Variants in PID1 observed in about 807,000 individuals in gnomAD.
PID1 encodes the protein PTB-containing, cubilin and LRP1-interacting protein.
A neutral mutation model predicts 19.1 loss-of-function variants in PID1; 10 were observed. That is an observed-to-expected ratio of 0.52 (90% CI 0.32 to 0.89). The LOEUF is 0.89. PID1 is among the 40% of genes least tolerant of loss of function. PID1 has a pLI of 0.03. For missense variants in PID1, 248 were observed against 285.3 expected (o/e 0.87, Z 0.94); for synonymous variants, 130 against 116.0 (o/e 1.12, Z -0.78).
chr2:229,161,064 A>G (rs966328028), intron 1 of PID1, among the ~76,000 whole-genome samples: 15 of 152,094 alleles, frequency 9.9e-5, no homozygotes, highest in African/African-American at 3.4e-4. Flanking sequence ...CCCCCTTTAC[A>G]CAAAGAATAT....
At chr2:229,261,665 T>A (rs1177976559) in intron 1 of PID1, among the ~76,000 whole-genome samples, 1 of 152,200 alleles carries the variant, frequency 6.6e-6, no homozygotes, top group Non-Finnish European at 1.5e-5. Context: ...ATTCCCCTCC[T>A]GCTCCCATGG....
chr2:229,269,826 C>G (rs897692436), intron 1 of PID1, among the ~76,000 whole-genome samples: 2 of 152,168 alleles, frequency 1.3e-5, no homozygotes, highest in Non-Finnish European at 2.9e-5. Context: ...CCCTGGGGAA[C>G]TGGTCTGGTG....
At chr2:229,076,895 C>T (rs1694569724) in intron 2 of PID1, among the ~76,000 whole-genome samples, 3 of 152,118 alleles carry the variant, frequency 2.0e-5, no homozygotes, top group Non-Finnish European at 4.4e-5. Context: ...ATTTATAAAC[C>T]TTTGGGTATA....
At chr2:229,250,156 C>T (rs1690112947) in intron 1 of PID1, among the ~76,000 whole-genome samples, 1 of 152,102 alleles carries the variant, frequency 6.6e-6, no homozygotes, top group African/African-American at 2.4e-5. Context: ...AAAAAGACTG[C>T]AGAAAAATGA....
intron 2 of PID1, among the ~76,000 whole-genome samples, chr2:229,110,328 G>T (rs1374985431): frequency 6.6e-6 from 1 of 152,164 alleles, no homozygotes; most frequent in Non-Finnish European, 1.5e-5. Context: ...CCCAAAATGG[G>T]ATAGATGAGG....
chr2:229,226,622 G>A (rs970228525), intron 1 of PID1, among the ~76,000 whole-genome samples: 2 of 152,066 alleles, frequency 1.3e-5, no homozygotes, highest in African/African-American at 2.4e-5. Context: ...TGGCCAAAGA[G>A]CACTGCCAGA....
At chr2:229,028,567 C>T (rs572516748) in intron 2 of PID1, among the ~76,000 whole-genome samples, 2 of 152,072 alleles carry the variant, frequency 1.3e-5, no homozygotes, top group Admixed American at 6.5e-5. Context: ...ATACAGAACA[C>T]CTAAAAGTCA....
chr2:229,130,161 G>A (rs1164442497), intron 2 of PID1, among the ~76,000 whole-genome samples: 1 of 152,158 alleles, frequency 6.6e-6, no homozygotes, highest in Admixed American at 6.5e-5. Flanking sequence ...TAATTAAACT[G>A]GTGAATCACA....
At chr2:229,133,070 C>T (rs1014157627) in intron 2 of PID1, among the ~76,000 whole-genome samples, 1 of 152,148 alleles carries the variant, frequency 6.6e-6, no homozygotes, top group Non-Finnish European at 1.5e-5. Flanking sequence ...GCTCCTGGCA[C>T]TCTACCTGGA....
chr2:229,046,751 T>C (rs1368032012), intron 2 of PID1, among the ~76,000 whole-genome samples: 5 of 152,168 alleles, frequency 3.3e-5, no homozygotes, highest in Non-Finnish European at 2.9e-5. Context: ...CAACTTGATC[T>C]CGCTGTTAGA....
intron 1 of PID1, among the ~76,000 whole-genome samples, chr2:229,180,225 A>G (rs1468098833): frequency 6.6e-6 from 1 of 152,170 alleles, no homozygotes; most frequent in East Asian, 1.9e-4. Flanking sequence ...CAGAACAGAG[A>G]TATTGGTCGA....
At chr2:229,134,561 A>G (rs549184566) in intron 2 of PID1, among the ~76,000 whole-genome samples, 1 of 152,170 alleles carries the variant, frequency 6.6e-6, no homozygotes, top group East Asian at 1.9e-4. Flanking sequence ...ATCTGATTCC[A>G]AAAGTTAAAG....
At chr2:229,073,902 C>T (rs1453036864) in intron 2 of PID1, among the ~76,000 whole-genome samples, 1 of 152,078 alleles carries the variant, frequency 6.6e-6, no homozygotes, top group Non-Finnish European at 1.5e-5. Context: ...CACAATGGTC[C>T]AGGGAAATCA....
At chr2:229,040,360 G>GT (rs1220968099) in intron 2 of PID1, among the ~76,000 whole-genome samples, 1 of 151,872 alleles carries the variant, frequency 6.6e-6, no homozygotes, top group Non-Finnish European at 1.5e-5. Flanking sequence ...AAAAAAAATT[G>GT]TTTTGTGTAA....
intron 1 of PID1, among the ~76,000 whole-genome samples, chr2:229,208,668 C>T (rs1158432345): frequency 6.6e-6 from 1 of 152,110 alleles, no homozygotes; most frequent in East Asian, 1.9e-4. Context: ...ATTTGTAATT[C>T]TATAAACTCA....
chr2:229,091,443 C>G (rs753096062), intron 2 of PID1, among the ~76,000 whole-genome samples: 1 of 151,950 alleles, frequency 6.6e-6, no homozygotes, highest in Non-Finnish European at 1.5e-5. Flanking sequence ...GAATGTGTCC[C>G]TGCAAAATTC....
At chr2:229,090,902 A>G (rs1694863188) in intron 2 of PID1, among the ~76,000 whole-genome samples, 1 of 152,212 alleles carries the variant, frequency 6.6e-6, no homozygotes, top group Non-Finnish European at 1.5e-5. Flanking sequence ...TAAAACAGAG[A>G]ACCGGGAACA....
At chr2:229,110,054 G>A (rs1458857616) in intron 2 of PID1, among the ~76,000 whole-genome samples, 1 of 152,196 alleles carries the variant, frequency 6.6e-6, no homozygotes, top group African/African-American at 2.4e-5. Context: ...CTGGGCAGAT[G>A]CCTGGACTCC....
Position 229,139,081 on chromosome 2 carries a change from A to AAG in PID1, c.177+16735_177+16736dup, listed in dbSNP as rs1408687231. 1.6e-3 allele frequency among the ~76,000 whole-genome samples: 114 copies of AAG among 69,694 alleles called. 2 individuals carry two copies. Among genetic ancestry groups the AAG allele is most frequent in the African/African-American group, 7.5e-3 (104 of 13,910 alleles). The allele number at this position is 69,694 out of a possible 152,430, so 45.7% of individuals were successfully genotyped here. A position where few individuals can be genotyped will look rare whatever the true frequency, so the allele number is the denominator to read the frequency against. ...AGAGAAAGAAAGAAAGAAAGAAAGA[A>AAG]AGAAAGAAAGAAAGAAAGAAAGAAA... On this transcript the variant is annotated intron_variant, in intron 2 of 2. Coordinates refer to ENST00000392055, the MANE Select transcript of PID1 (RefSeq NM_001100818.2).
Sources: allele counts gnomAD v4.1 joint callset (sites outside exome capture counted in the v4.1 genomes callset), GRCh38; gene constraint gnomAD v4.1.1; transcripts MANE v1.5; gene names NCBI Gene and HGNC (gene_info 2026-07-23, HGNC 2026-07-21).